VPS41: variants seen among roughly 807,000 people sequenced by gnomAD.
VPS41 encodes the protein VPS41 subunit of HOPS complex.
A neutral mutation model predicts 130.9 loss-of-function variants in VPS41; 85 were observed. The ratio of observed to expected loss-of-function variants is 0.65; its 90% CI spans 0.55 to 0.78. The LOEUF (loss-of-function observed/expected upper bound fraction) is 0.78. VPS41 is among the 30% of genes least tolerant of loss of function. The pLI is 0.00. For synonymous variants in VPS41, 335 were observed against 332.9 expected (o/e 1.01, Z -0.07); for missense variants, 874 against 1,018.7 (o/e 0.86, Z 1.93).
chr7:38,743,593 T>C (rs1425182368), intron 23 of VPS41, 51 bp from the exon 24 acceptor site: 2 of 1,584,462 alleles, frequency 1.3e-6, no homozygotes, highest in South Asian at 1.1e-5. Flanking sequence ...ATTTTAATAA[T>C]TTTTTTAAAG....
chr7:38,796,901 C>T (rs750387326), intron 7 of VPS41, 37 bp from the exon 8 acceptor site: 2 of 1,612,398 alleles, frequency 1.2e-6, no homozygotes, highest in Non-Finnish European at 1.7e-6. Flanking sequence ...ATCTTAGAAA[C>T]TGAAAATAAT....
chr7:38,855,364 T>A (rs1785960091), intron 4 of VPS41, among the ~76,000 whole-genome samples: 1 of 151,920 alleles, frequency 6.6e-6, no homozygotes, highest in South Asian at 2.1e-4. Flanking sequence ...AAGAGATGGG[T>A]GATCCTCCAG....
At chr7:38,732,861 T>C (rs1178377589) in intron 25 of VPS41, among the ~76,000 whole-genome samples, 1 of 152,226 alleles carries the variant, frequency 6.6e-6, no homozygotes, top group Non-Finnish European at 1.5e-5. Context: ...AAGGTCTTGC[T>C]CTGCCACCCA....
chr7:38,909,027 C>G (rs1562633282), intron 1 of VPS41, 127 bp downstream of exon 1: 6 of 1,192,038 alleles, frequency 5.0e-6, no homozygotes, highest in Non-Finnish European at 6.2e-6. Context: ...CCACCCCGCC[C>G]TGCCGCGGAC....
intron 2 of VPS41, among the ~76,000 whole-genome samples, chr7:38,889,037 A>G (rs1325818229): frequency 2.0e-5 from 3 of 151,956 alleles, no homozygotes; most frequent in Non-Finnish European, 4.4e-5. Context: ...GAAAACCACC[A>G]TGGCACTTGT....
intron 10 of VPS41, among the ~76,000 whole-genome samples, chr7:38,782,172 GGA>G (rs1304222096): frequency 6.6e-6 from 1 of 152,158 alleles, no homozygotes; most frequent in African/African-American, 2.4e-5. Context: ...TCTCCTCAGT[GGA>G]GAGAGGAGGC....
intron 2 of VPS41, among the ~76,000 whole-genome samples, chr7:38,889,554 CA>C (rs1786814179): frequency 2.0e-5 from 2 of 101,984 alleles, no homozygotes; most frequent in South Asian, 5.6e-4. Context: ...CAAAACAAAA[CA>C]AAACAAAAAA....
chr7:38,749,906 A>C lies in VPS41; in HGVS notation c.1926+2270T>G, dbSNP rs964220269. On this transcript the variant is annotated intron_variant, in intron 22 of 28. Transcript: ENST00000310301. ...TAAAGAGAGTTTTGCTTTCTCGCCT[A>C]GGCCGGAGTGCACTGGTGCAATCAT... Among the ~76,000 whole-genome samples, 12 of 152,196 alleles carry C rather than the reference A, an allele frequency of 7.9e-5. No individual in the cohort carries two copies. In the South Asian group the frequency reaches 2.3e-3, roughly 29 times the overall value.
At chr7:38,759,558 T>C (rs1323341000) in intron 17 of VPS41, among the ~76,000 whole-genome samples, 1 of 152,216 alleles carries the variant, frequency 6.6e-6, no homozygotes, top group African/African-American at 2.4e-5. Context: ...GGGAATATTA[T>C]TGTACAATAA....
chr7:38,856,961 G>C (rs146366293), intron 4 of VPS41, among the ~76,000 whole-genome samples: 1 of 152,222 alleles, frequency 6.6e-6, no homozygotes, highest in African/African-American at 2.4e-5. Flanking sequence ...TTCACCAAAT[G>C]ATCAGGGTCT....
chr7:38,757,724 T>C (rs1035437388), intron 18 of VPS41, among the ~76,000 whole-genome samples: 1 of 152,076 alleles, frequency 6.6e-6, no homozygotes, highest in Non-Finnish European at 1.5e-5. Context: ...ATGGGGGCAC[T>C]GAGGAGAGGT....
intron 2 of VPS41, among the ~76,000 whole-genome samples, chr7:38,879,457 T>C (rs1002470590): frequency 2.0e-5 from 3 of 151,776 alleles, no homozygotes; most frequent in Non-Finnish European, 4.4e-5. Flanking sequence ...CCTCACAAAT[T>C]CCCACACTGA....
chr7:38,814,472 A>G (rs1032078625), intron 7 of VPS41, among the ~76,000 whole-genome samples: 3 of 152,126 alleles, frequency 2.0e-5, no homozygotes, highest in African/African-American at 7.2e-5. Flanking sequence ...AACACAGTGA[A>G]ACCCCGTCTC....
chr7:38,802,988 T>C (rs1197435007), intron 7 of VPS41, among the ~76,000 whole-genome samples: 2 of 152,210 alleles, frequency 1.3e-5, no homozygotes, highest in African/African-American at 2.4e-5. Context: ...TTGGAAAAAG[T>C]ATTTTAGGGC....
At chr7:38,808,673 G>A (rs1487916256) in intron 7 of VPS41, among the ~76,000 whole-genome samples, 3 of 152,140 alleles carry the variant, frequency 2.0e-5, no homozygotes, top group Non-Finnish European at 4.4e-5. Context: ...TCAGGTAGAA[G>A]GCTACAATCA....
At chr7:38,799,832 G>A (rs1331509650) in intron 7 of VPS41, among the ~76,000 whole-genome samples, 1 of 151,962 alleles carries the variant, frequency 6.6e-6, no homozygotes, top group African/African-American at 2.4e-5. Flanking sequence ...AAACAATACA[G>A]CAATGTTTCT....
intron 22 of VPS41, among the ~76,000 whole-genome samples, chr7:38,751,579 TA>T (rs1001627639): frequency 2.0e-4 from 31 of 152,340 alleles, no homozygotes; most frequent in Middle Eastern, 3.4e-3. Flanking sequence ...AGTAAATGTC[TA>T]ATGTGTGGTG....
chr7:38,742,123 T>C lies in VPS41; in HGVS notation c.2123-2A>G, dbSNP rs779025840. 1.6e-5 allele frequency: 25 copies of C among 1,604,668 alleles called. No individual in the cohort carries two copies. The South Asian group carries it at 2.6e-4, about 17-fold the overall frequency. ...TGTTTAACAAGCCAGTAATAAATGCTACAAAATACCACATAAAACAATGAA... is the reference window on the plus strand; with the variant it reads ...TGTTTAACAAGCCAGTAATAAATGCCACAAAATACCACATAAAACAATGAA... On this transcript the variant is annotated splice_acceptor_variant, in intron 24 of 28. Transcript: ENST00000310301. LOFTEE classifies it high-confidence loss of function.
chr7:38,901,696 T>C (rs1787149509), intron 1 of VPS41, among the ~76,000 whole-genome samples: 1 of 152,148 alleles, frequency 6.6e-6, no homozygotes, highest in Non-Finnish European at 1.5e-5. Flanking sequence ...GTGGTGATGG[T>C]TGCACAACAA....
Sources: gnomAD v4.1 joint callset for allele counts (sites outside exome capture counted in the v4.1 genomes callset) on GRCh38, gnomAD v4.1.1 for gene constraint, MANE v1.5 for transcripts, NCBI Gene and HGNC (gene_info 2026-07-23, HGNC 2026-07-21) for gene names.